Variants in SPATA6 observed in about 807,000 individuals in gnomAD.
SPATA6 encodes the protein spermatogenesis associated 6.
Under a neutral mutation model 65.3 loss-of-function variants are expected in SPATA6, and 56 were observed. The ratio of observed to expected loss-of-function variants is 0.86; its 90% confidence interval spans 0.69 to 1.07. The LOEUF (loss-of-function observed/expected upper bound fraction) is 1.07. Ranked by LOEUF, SPATA6 falls within the 50% of genes least tolerant of loss-of-function variation. SPATA6 has a pLI of 0.00. For missense variants in SPATA6, 590 were observed against 594.8 expected, an observed-to-expected ratio of 0.99 and a Z score of 0.08; for synonymous variants, 199 against 213.2, an observed-to-expected ratio of 0.93 and a Z score of 0.58.
chr1:48,472,011 G>T lies in SPATA6; in HGVS notation c.-3C>A. On this transcript the variant is annotated 5_prime_UTR_variant, in exon 1 of 13. Transcript: ENST00000371847. Reference sequence around the variant, plus strand: ...TGCAGCGCCTTCACCTTCGGCATCCGTGCGGGGAGGGGCGGCGGGGAGTGA... The same window carrying T: ...TGCAGCGCCTTCACCTTCGGCATCCTTGCGGGGAGGGGCGGCGGGGAGTGA... 1 of 1,557,998 alleles carries T rather than the reference G, an allele frequency of 6.4e-7. No homozygotes were observed.
intron 11 of SPATA6, among the ~76,000 whole-genome samples, chr1:48,351,973 T>C (rs1461200784): frequency 6.6e-6 from 1 of 152,066 alleles, no homozygotes; most frequent in Non-Finnish European, 1.5e-5. Flanking sequence ...GTAATATTAT[T>C]TCATCTTCAG....
intron 9 of SPATA6, among the ~76,000 whole-genome samples, chr1:48,365,889 T>C (rs928046501): frequency 6.6e-6 from 1 of 151,254 alleles, no homozygotes; most frequent in African/African-American, 2.5e-5. Flanking sequence ...AAAGGGAATG[T>C]TCCCAGTTTT....
rs568185714 is a variant in SPATA6, at chr1:48,372,927, C to G, written c.909+12382G>C. On this transcript the variant is annotated intron_variant, in intron 9 of 12. Coordinates refer to ENST00000371847, the MANE Select transcript of SPATA6 (RefSeq NM_019073.4). ...CCAAGTCCCTAGACTGCACACAGCA[C>G]AGGGACCCTGGGCCCAGTCCATGAA... Among the ~76,000 whole-genome samples, 17 of 152,326 alleles carry G rather than the reference C, an allele frequency of 1.1e-4. No homozygotes were observed. The South Asian group carries it at 1.2e-3, about 11-fold the overall frequency.
At chr1:48,427,742 A>G (rs1653975850) in intron 3 of SPATA6, among the ~76,000 whole-genome samples, 1 of 152,240 alleles carries the variant, frequency 6.6e-6, no homozygotes, top group Admixed American at 6.5e-5. Flanking sequence ...CTTAGAGGGT[A>G]CATGTGCAGG....
chr1:48,304,649 A>G (rs936537851), intron 12 of SPATA6, among the ~76,000 whole-genome samples: 1 of 152,144 alleles, frequency 6.6e-6, no homozygotes. Context: ...TGGCCCCATG[A>G]TATCTCTTAA....
chr1:48,392,932 A>G (rs1650218525), intron 8 of SPATA6, among the ~76,000 whole-genome samples: 1 of 152,004 alleles, frequency 6.6e-6, no homozygotes, highest in Admixed American at 6.6e-5. Flanking sequence ...TAAAAAAAAA[A>G]AGTTGAGGGG....
At chr1:48,363,040 A>G (rs1364200726) in intron 9 of SPATA6, among the ~76,000 whole-genome samples, 1 of 152,160 alleles carries the variant, frequency 6.6e-6, no homozygotes, top group Non-Finnish European at 1.5e-5. Flanking sequence ...TAAGACGTCA[A>G]ATACAAGTAA....
intron 11 of SPATA6, chr1:48,325,500 A>G: frequency 1.6e-6 from 2 of 1,231,542 alleles, no homozygotes; most frequent in Non-Finnish European, 2.4e-6. Flanking sequence ...TGAGTTGATG[A>G]TCTCATCATC....
intron 11 of SPATA6, among the ~76,000 whole-genome samples, chr1:48,334,243 A>G (rs1289456378): frequency 6.6e-6 from 1 of 151,936 alleles, no homozygotes; most frequent in East Asian, 1.9e-4. Flanking sequence ...CTATTCCCCA[A>G]AATTGAGGAG....
intron 11 of SPATA6, among the ~76,000 whole-genome samples, chr1:48,347,607 A>G (rs1414178874): frequency 6.6e-6 from 1 of 151,082 alleles, no homozygotes; most frequent in African/African-American, 2.4e-5. Flanking sequence ...CTAAAAAATA[A>G]GAATAGTTAA....
chr1:48,354,326 C>A (rs968523887), intron 11 of SPATA6, among the ~76,000 whole-genome samples: 2 of 152,076 alleles, frequency 1.3e-5, no homozygotes, highest in African/African-American at 4.8e-5. Context: ...GTGCAACATT[C>A]TTTGATAGCA....
the SPATA6 span, among the ~76,000 whole-genome samples, chr1:48,264,995 T>G: frequency 6.6e-6 from 1 of 152,212 alleles, no homozygotes; most frequent in African/African-American, 2.4e-5. Flanking sequence ...CTGTGCCTCT[T>G]CATGCCTCCA....
At chr1:48,436,140 C>A in intron 3 of SPATA6, 1 of 1,610,004 alleles carries the variant, frequency 6.2e-7, no homozygotes, top group Non-Finnish European at 8.5e-7. Context: ...TTTCTCACTA[C>A]GAGCTCCAAG....
intron 9 of SPATA6, among the ~76,000 whole-genome samples, chr1:48,371,950 C>A (rs748873618): frequency 2.0e-5 from 3 of 152,052 alleles, no homozygotes; most frequent in Non-Finnish European, 4.4e-5. Context: ...AAGACAGGCC[C>A]CCATGATTCA....
chr1:48,434,140 C>A (rs1304080944), intron 3 of SPATA6, among the ~76,000 whole-genome samples: 3 of 150,910 alleles, frequency 2.0e-5, no homozygotes, highest in Non-Finnish European at 4.4e-5. Flanking sequence ...TTCCAACAGT[C>A]ATAAAAATGG....
chr1:48,432,037 G>A (rs1358274273), intron 3 of SPATA6, among the ~76,000 whole-genome samples: 2 of 152,184 alleles, frequency 1.3e-5, no homozygotes, highest in Non-Finnish European at 2.9e-5. Context: ...TTAAGCCTGG[G>A]AGGCAGAGGC....
intron 3 of SPATA6, among the ~76,000 whole-genome samples, chr1:48,443,807 C>T (rs1655746848): frequency 6.6e-6 from 1 of 152,186 alleles, no homozygotes; most frequent in Non-Finnish European, 1.5e-5. Flanking sequence ...CTATTACTCG[C>T]CTTCAGGCCC....
At chr1:48,352,413 CCT>C (rs1463253009) in intron 11 of SPATA6, among the ~76,000 whole-genome samples, 1 of 151,976 alleles carries the variant, frequency 6.6e-6, no homozygotes, top group Non-Finnish European at 1.5e-5. Flanking sequence ...AACAGCAAAA[CCT>C]CATGAAAAGC....
chr1:48,414,505 T>C (rs1195009721), intron 3 of SPATA6, among the ~76,000 whole-genome samples: 1 of 152,086 alleles, frequency 6.6e-6, no homozygotes, highest in African/African-American at 2.4e-5. Flanking sequence ...GCCTTCTATG[T>C]GAGAGAAGGG....
Sources: gnomAD v4.1 joint callset for allele counts (sites outside exome capture counted in the v4.1 genomes callset) on GRCh38, gnomAD v4.1.1 for gene constraint, MANE v1.5 for transcripts, NCBI Gene and HGNC (gene_info 2026-07-23, HGNC 2026-07-21) for gene names.